Variants in RPS6KC1 observed in about 807,000 individuals in gnomAD.
The protein encoded by RPS6KC1 is ribosomal protein S6 kinase C1, also known as inactive ribosomal protein S6 kinase delta-1.
Under a neutral mutation model 103.8 loss-of-function variants are expected in RPS6KC1, and 54 were observed. The observed-to-expected ratio is 0.52, with a 90% CI of 0.42 to 0.65. The LOEUF (loss-of-function observed/expected upper bound fraction) is 0.65. Ranked by LOEUF, RPS6KC1 falls within the 30% of genes least tolerant of loss-of-function variation. RPS6KC1 has a pLI of 0.00. For missense variants in RPS6KC1, 1,151 were observed against 1,253.8 expected (o/e 0.92, Z 1.24); for synonymous variants, 439 against 438.7 (o/e 1.00, Z -0.01).
chr1:213,551,459 T>C, the RPS6KC1 span, among the ~76,000 whole-genome samples: 2 of 152,180 alleles, frequency 1.3e-5, no homozygotes, highest in East Asian at 1.9e-4. Context: ...CTACTCTCCA[T>C]GAATGTTGGT....
the RPS6KC1 span, among the ~76,000 whole-genome samples, chr1:213,295,439 C>G: frequency 1.3e-5 from 2 of 152,094 alleles, no homozygotes; most frequent in Non-Finnish European, 2.9e-5. Context: ...TGTGAAGGAT[C>G]TCAGGGAGAG....
the RPS6KC1 span, among the ~76,000 whole-genome samples, chr1:213,772,440 C>A: frequency 1.3e-5 from 2 of 152,194 alleles, no homozygotes; most frequent in East Asian, 3.8e-4. Context: ...GTGTCATTTG[C>A]TGTACAAAAA....
chr1:213,784,864 T>C, the RPS6KC1 span, among the ~76,000 whole-genome samples: 4 of 152,196 alleles, frequency 2.6e-5, no homozygotes, highest in Non-Finnish European at 5.9e-5. Flanking sequence ...TCAGATACCA[T>C]GAGTGATGAG....
At chr1:213,711,655 C>G in the RPS6KC1 span, among the ~76,000 whole-genome samples, 1 of 152,144 alleles carries the variant, frequency 6.6e-6, no homozygotes, top group Non-Finnish European at 1.5e-5. Flanking sequence ...GATTTATCTA[C>G]CTTTGGTCTT....
chr1:213,294,407 C>T, the RPS6KC1 span, among the ~76,000 whole-genome samples: 2 of 152,176 alleles, frequency 1.3e-5, no homozygotes, highest in Non-Finnish European at 1.5e-5. Flanking sequence ...GGTTTGTTCG[C>T]TCCTCCAAAT....
the RPS6KC1 span, among the ~76,000 whole-genome samples, chr1:213,658,144 G>C: frequency 6.6e-6 from 1 of 152,198 alleles, no homozygotes; most frequent in Admixed American, 6.5e-5. Flanking sequence ...CTTGTGTTTT[G>C]TGTAATGTTT....
chr1:213,731,441 G>C, the RPS6KC1 span: 1 of 152,046 alleles, frequency 6.6e-6, no homozygotes, highest in Non-Finnish European at 1.5e-5. Flanking sequence ...TCAAGGATCG[G>C]TAATTGGGAA....
the RPS6KC1 span, among the ~76,000 whole-genome samples, chr1:213,314,092 G>T: frequency 6.6e-6 from 1 of 151,924 alleles, no homozygotes; most frequent in Non-Finnish European, 1.5e-5. Context: ...TCCAGCTTCT[G>T]GGGGTGGCTG....
intron 4 of RPS6KC1, among the ~76,000 whole-genome samples, chr1:213,105,460 G>A (rs192236658): frequency 2.0e-5 from 3 of 150,068 alleles, no homozygotes; most frequent in Admixed American, 6.6e-5. Flanking sequence ...TGTATGAATA[G>A]TGAGATATTT....
intron 2 of RPS6KC1, among the ~76,000 whole-genome samples, chr1:213,077,165 C>T (rs1266797427): frequency 2.0e-5 from 3 of 152,160 alleles, no homozygotes; most frequent in East Asian, 1.9e-4. Context: ...CCACTGCGCC[C>T]GGCCAGTTTA....
the RPS6KC1 span, among the ~76,000 whole-genome samples, chr1:213,843,911 A>C: frequency 6.6e-6 from 1 of 152,024 alleles, no homozygotes; most frequent in African/African-American, 2.4e-5. Flanking sequence ...GACTCTTTAA[A>C]ACTATGACCC....
At position 213,262,709 on chromosome 1, in the gene RPS6KC1, T is replaced by A; in HGVS notation, c.2995-12T>A. 1 of 1,531,756 alleles carries A rather than the reference T, an allele frequency of 6.5e-7. No homozygotes were observed. The highest frequency in any genetic ancestry group is 9.1e-7 in the Non-Finnish European group (1 of 1,104,846). 94.9% of individuals were successfully genotyped at this position (1,531,756 alleles called of 1,614,324 possible). A position where few individuals can be genotyped will look rare whatever the true frequency, so the allele number is the denominator to read the frequency against. On this transcript the variant is annotated splice_polypyrimidine_tract_variant and intron_variant, in intron 13 of 14. Coordinates refer to ENST00000366960, the MANE Select transcript of RPS6KC1 (RefSeq NM_012424.6). The stretch of plus-strand genomic sequence containing the variant: ...ATTTGGGATAAGAAGTGTACCTGAT[T>A]GATTGTTTCAGACTCTGGTTGAATG...
chr1:213,299,844 G>A, the RPS6KC1 span, among the ~76,000 whole-genome samples: 109 of 151,774 alleles, frequency 7.2e-4, 1 homozygote, highest in East Asian at 0.013. Context: ...TCGTTCTGTC[G>A]CCCAGGCTGG....
intron 12 of RPS6KC1, among the ~76,000 whole-genome samples, chr1:213,256,093 C>A (rs893455722): frequency 5.3e-5 from 8 of 152,186 alleles, no homozygotes; most frequent in East Asian, 3.8e-4. Flanking sequence ...CTCTACTACT[C>A]CAGTCAGATT....
At chr1:213,568,260 G>A in the RPS6KC1 span, among the ~76,000 whole-genome samples, 1 of 152,184 alleles carries the variant, frequency 6.6e-6, no homozygotes, top group African/African-American at 2.4e-5. Flanking sequence ...TGCTAGAACT[G>A]GGAAAATTCT....
the RPS6KC1 span, among the ~76,000 whole-genome samples, chr1:213,583,248 G>A: frequency 1.3e-5 from 2 of 152,192 alleles, no homozygotes. Context: ...GCATGAACAT[G>A]TTTTTATTTC....
the RPS6KC1 span, among the ~76,000 whole-genome samples, chr1:213,591,516 GTTGTAACAATGGCACTGCAGCC>G: frequency 6.6e-6 from 1 of 152,164 alleles, no homozygotes; most frequent in Non-Finnish European, 1.5e-5. Context: ...CAAGTGGAGG[GTTGTAACAATGGCACTGCAGCC>G]TTGTGCCAGG....
the RPS6KC1 span, among the ~76,000 whole-genome samples, chr1:213,748,875 T>G: frequency 1.3e-5 from 2 of 152,206 alleles, no homozygotes; most frequent in Non-Finnish European, 2.9e-5. Context: ...TGCTGGGTTT[T>G]GGATCTCCCA....
chr1:213,799,201 C>A, the RPS6KC1 span, among the ~76,000 whole-genome samples: 1 of 152,138 alleles, frequency 6.6e-6, no homozygotes, highest in African/African-American at 2.4e-5. Flanking sequence ...TTAAGAAGAC[C>A]TGTGTTCTCT....
Sources: gnomAD v4.1 joint callset for allele counts (sites outside exome capture counted in the v4.1 genomes callset) on GRCh38, gnomAD v4.1.1 for gene constraint, MANE v1.5 for transcripts, NCBI Gene and HGNC (gene_info 2026-07-23, HGNC 2026-07-21) for gene names.